The following DACH1 variants were observed in gnomAD, a reference collection of about 807,000 sequenced individuals.
DACH1 encodes dachshund homolog 1.
In DACH1, 12 loss-of-function variants were observed where a neutral mutation model predicts 54.2. The ratio of observed to expected loss-of-function variants is 0.22; its 90% CI spans 0.14 to 0.36. DACH1 has a LOEUF of 0.36. DACH1 is among the 10% of genes least tolerant of loss of function. The pLI, the probability that DACH1 is intolerant of heterozygous loss-of-function variation, is 1.00. For synonymous variants in DACH1, 386 were observed against 366.2 expected (o/e 1.05, Z -0.62); for missense variants, 805 against 929.8 (o/e 0.87, Z 1.75).
intron 1 of DACH1, among the ~76,000 whole-genome samples, chr13:71,748,687 A>G (rs1322012678): frequency 6.6e-6 from 1 of 152,188 alleles, no homozygotes; most frequent in African/African-American, 2.4e-5. Flanking sequence ...TCATGTTTTC[A>G]AAGAACAATG....
intron 1 of DACH1, among the ~76,000 whole-genome samples, chr13:71,830,685 C>A (rs1029635336): frequency 2.0e-5 from 3 of 151,688 alleles, no homozygotes; most frequent in Non-Finnish European, 4.4e-5. Context: ...TAAATGAGAG[C>A]AAAACTACCA....
chr13:71,559,497 T>C (rs1216492964), intron 5 of DACH1, among the ~76,000 whole-genome samples: 4 of 152,166 alleles, frequency 2.6e-5, no homozygotes, highest in African/African-American at 9.7e-5. Flanking sequence ...CCATAAACAG[T>C]GTACCAAGAC....
At chr13:71,460,843 T>C (rs906039792) in intron 10 of DACH1, among the ~76,000 whole-genome samples, 1 of 152,080 alleles carries the variant, frequency 6.6e-6, no homozygotes, top group African/African-American at 2.4e-5. Context: ...GCAAATATGT[T>C]ACAAACCTCA....
rs1877823115 is a variant in DACH1, at chr13:71,479,166, T to C, written c.1870+3A>G. 5.6e-6 allele frequency: 9 copies of C among 1,594,968 alleles called. No individual in the cohort carries two copies. ...TTTAACTTATCTGGAAATTTGGAAA[T>C]ACCTCTATTCTTTTGTTCCATAGCC... is the stretch of plus-strand genomic sequence containing the variant. On this transcript the variant is annotated splice_donor_region_variant and intron_variant, in intron 8 of 10. Coordinates refer to ENST00000613252, the MANE Select transcript of DACH1 (RefSeq NM_080759.6).
intron 6 of DACH1, among the ~76,000 whole-genome samples, chr13:71,544,202 A>C (rs1324651689): frequency 1.3e-5 from 2 of 152,168 alleles, no homozygotes; most frequent in Admixed American, 1.3e-4. Flanking sequence ...GGTGTGGCAG[A>C]GAGAGAATGG....
intron 10 of DACH1, among the ~76,000 whole-genome samples, chr13:71,454,097 G>A (rs769555557): frequency 2.6e-5 from 4 of 152,130 alleles, no homozygotes; most frequent in Non-Finnish European, 4.4e-5. Flanking sequence ...ATAACTAAAG[G>A]AAGAATATGA....
intron 10 of DACH1, among the ~76,000 whole-genome samples, chr13:71,463,856 C>T (rs1185105285): frequency 6.6e-6 from 1 of 151,892 alleles, no homozygotes. Context: ...CCTCAGTTCC[C>T]TTGAACGTAT....
chr13:71,477,820 T>C (rs1391118411), intron 8 of DACH1, among the ~76,000 whole-genome samples: 1 of 152,186 alleles, frequency 6.6e-6, no homozygotes, highest in Non-Finnish European at 1.5e-5. Flanking sequence ...TTCAGGGTGA[T>C]ACACTGCTTC....
At chr13:71,481,030 G>C (rs1419467637) in intron 7 of DACH1, among the ~76,000 whole-genome samples, 1 of 152,154 alleles carries the variant, frequency 6.6e-6, no homozygotes, top group Non-Finnish European at 1.5e-5. Context: ...TCCTGTGTAG[G>C]CTTCTTCTTC....
rs143580622 is a variant in DACH1 at position 71,635,080 on chromosome 13, T to C, written c.965-4363A>G. Among the ~76,000 whole-genome samples the C allele has an allele frequency of 3.7e-4, 57 of 152,296 alleles. 1 individual carries two copies. The highest frequency in any genetic ancestry group is 1.3e-3 in the African/African-American group (55 of 41,570). On this transcript the variant is annotated intron_variant, in intron 2 of 10. Coordinates refer to ENST00000613252, the MANE Select transcript of DACH1 (RefSeq NM_080759.6). ...CATCTGCTGCGGTGCTTGGCACATA[T>C]TGTCACTGAATGAACAAATCCTTAT...
At chr13:71,640,034 G>A (rs148324485) in intron 2 of DACH1, among the ~76,000 whole-genome samples, 1 of 151,940 alleles carries the variant, frequency 6.6e-6, no homozygotes. Flanking sequence ...AAATTTAGGG[G>A]CAATGAGGTT....
chr13:71,591,413 A>T (rs1873701014), intron 3 of DACH1, among the ~76,000 whole-genome samples: 1 of 152,196 alleles, frequency 6.6e-6, no homozygotes, highest in South Asian at 2.1e-4. Context: ...ATAAATAGTT[A>T]CCACATTAGA....
intron 2 of DACH1, among the ~76,000 whole-genome samples, chr13:71,652,801 A>C (rs1006462347): frequency 6.6e-6 from 1 of 152,148 alleles, no homozygotes; most frequent in East Asian, 1.9e-4. Flanking sequence ...ATAACTCATT[A>C]AGTTTTCTTT....
At chr13:71,617,121 G>A (rs1013140626) in intron 3 of DACH1, among the ~76,000 whole-genome samples, 2 of 151,886 alleles carry the variant, frequency 1.3e-5, no homozygotes, top group Non-Finnish European at 2.9e-5. Context: ...TACCTGCCTC[G>A]GCTTCCCAAA....
At chr13:71,697,233 ATATT>A (rs892553477) in intron 1 of DACH1, among the ~76,000 whole-genome samples, 1 of 152,186 alleles carries the variant, frequency 6.6e-6, no homozygotes, top group Non-Finnish European at 1.5e-5. Flanking sequence ...GACTCGATAA[ATATT>A]TATTAAATGA....
intron 1 of DACH1, among the ~76,000 whole-genome samples, chr13:71,864,180 T>TATAC (rs1874548090): frequency 9.2e-6 from 1 of 108,426 alleles, no homozygotes; most frequent in Non-Finnish European, 1.9e-5. Context: ...CGCGCGCACA[T>TATAC]ACACACACAC....
At chr13:71,645,331 T>G (rs1878192969) in intron 2 of DACH1, among the ~76,000 whole-genome samples, 1 of 152,178 alleles carries the variant, frequency 6.6e-6, no homozygotes, top group Non-Finnish European at 1.5e-5. Flanking sequence ...CGAAACACTG[T>G]AGTTTAGAAT....
rs184086401 is a variant in DACH1, at chr13:71,550,705, T to G, written c.1570+6319A>C. Among the ~76,000 whole-genome samples the G allele has an allele frequency of 9.9e-4, 150 of 152,226 alleles. 1 individual carries two copies. Among genetic ancestry groups the G allele is most frequent in the Non-Finnish European group, 1.7e-3 (115 of 68,018 alleles). ...AAGCAAGCTGAGCTACGGCTTTGCA[T>G]ATGAAATCTGCTATCTACTTAAGAA... On this transcript the variant is annotated intron_variant, in intron 6 of 10. Transcript: ENST00000613252.
chr13:71,846,757 G>A (rs1873307050), intron 1 of DACH1, among the ~76,000 whole-genome samples: 1 of 152,222 alleles, frequency 6.6e-6, no homozygotes, highest in African/African-American at 2.4e-5. Context: ...GGTACTAGCT[G>A]TCAAACCTTA....
Sources: allele counts gnomAD v4.1 joint callset (sites outside exome capture counted in the v4.1 genomes callset), GRCh38; gene constraint gnomAD v4.1.1; transcripts MANE v1.5; gene names NCBI Gene and HGNC (gene_info 2026-07-23, HGNC 2026-07-21).